Variants in CDH4 observed in about 807,000 individuals in gnomAD.
The protein encoded by CDH4 is cadherin 4, also known as cadherin-4.
CDH4 carries 33 observed loss-of-function variants against 86.0 expected under a neutral mutation model. The ratio of observed to expected loss-of-function variants is 0.38; its 90% confidence interval spans 0.29 to 0.51. CDH4 has a LOEUF of 0.51. Among genes scored for constraint, CDH4 ranks in the 20% least tolerant of loss-of-function variants. The probability of loss-of-function intolerance (pLI) is 0.86; values close to 1 mark genes in which losing one functional copy is unlikely to be tolerated. For synonymous variants in CDH4, 555 were observed against 549.4 expected, an observed-to-expected ratio of 1.01 and a Z score of -0.14; for missense variants, 1,114 against 1,307.4, an observed-to-expected ratio of 0.85 and a Z score of 2.28.
chr20:61,886,475 C>T (rs1248470782), intron 7 of CDH4, among the ~76,000 whole-genome samples: 4 of 152,230 alleles, frequency 2.6e-5, no homozygotes, highest in Non-Finnish European at 4.4e-5. Context: ...AATGAATTCT[C>T]TGCACCTGGC....
intron 2 of CDH4, among the ~76,000 whole-genome samples, chr20:61,430,557 C>T (rs940277501): frequency 6.6e-6 from 1 of 152,158 alleles, no homozygotes; most frequent in African/African-American, 2.4e-5. Context: ...ACACCATCGA[C>T]AGAACGGTGA....
chr20:61,405,325 G>C (rs2085075991), intron 2 of CDH4, among the ~76,000 whole-genome samples: 1 of 151,724 alleles, frequency 6.6e-6, no homozygotes, highest in South Asian at 2.1e-4. Context: ...GATCACGCTA[G>C]TAGACATATA....
At chr20:61,733,946 T>C (rs1022823230) in intron 2 of CDH4, among the ~76,000 whole-genome samples, 10 of 152,206 alleles carry the variant, frequency 6.6e-5, no homozygotes, top group African/African-American at 2.4e-4. Flanking sequence ...GCTGCGCCCG[T>C]AAATGTCAGC....
chr20:61,650,865 G>T (rs4925266), intron 2 of CDH4, among the ~76,000 whole-genome samples: 119,524 of 152,220 alleles, frequency 0.79, 46,988 homozygotes, highest in Middle Eastern at 0.82. Context: ...TTAGCAGGGG[G>T]TTTAATCAAC....
chr20:61,873,623 A>C lies in CDH4; in HGVS notation c.878-105A>C, dbSNP rs184794127. ...GAGAGGAAGGGGGTTCCGCTACGCCAGACTCACGGAGAGCTCTGTGGTCGG... is the reference window on the plus strand; with the variant it reads ...GAGAGGAAGGGGGTTCCGCTACGCCCGACTCACGGAGAGCTCTGTGGTCGG... On this transcript the variant is annotated intron_variant, in intron 6 of 15. Coordinates refer to ENST00000614565, the MANE Select transcript of CDH4 (RefSeq NM_001794.5). 36 of 1,258,746 alleles carry C rather than the reference A, an allele frequency of 2.9e-5. No homozygotes were observed. In the East Asian group the frequency reaches 4.2e-4, roughly 15 times the overall value. 78.0% of individuals were successfully genotyped at this position (1,258,746 alleles called of 1,614,324 possible).
intron 13 of CDH4, among the ~76,000 whole-genome samples, chr20:61,931,636 G>A (rs1475295880): frequency 6.6e-6 from 1 of 152,226 alleles, no homozygotes; most frequent in Non-Finnish European, 1.5e-5. Flanking sequence ...GCAGTGGAGT[G>A]GTTTGTGCAG....
chr20:61,534,560 G>A (rs546510837), intron 2 of CDH4, among the ~76,000 whole-genome samples: 13 of 152,268 alleles, frequency 8.5e-5, no homozygotes, highest in South Asian at 6.2e-4. Flanking sequence ...GCACGGGACC[G>A]GGCCGGAGGC....
intron 9 of CDH4, among the ~76,000 whole-genome samples, chr20:61,915,393 C>T (rs1389400573): frequency 2.6e-5 from 4 of 152,208 alleles, no homozygotes; most frequent in African/African-American, 9.7e-5. Context: ...AGCCTGAAAC[C>T]TTCCTAGTGC....
Position 61,743,677 on chromosome 20 carries a change from C to A in CDH4, c.284C>A (p.Ser95Tyr). The A allele has an allele frequency of 6.2e-7, 1 of 1,605,644 alleles. No homozygotes were observed. Among genetic ancestry groups the A allele is most frequent in the Middle Eastern group, 1.7e-4 (1 of 6,058 alleles). The change falls in exon 3 of 16, where the codon TCC (serine) becomes TAC (tyrosine). Residue 95 changes from serine (S) to tyrosine (Y), a missense_variant. Ser to Tyr is a moderately radical substitution (Grantham distance 144). Around this residue, in one of 3 missense-constraint regions of CDH4, gnomAD observed 221 missense variants for 209.5 expected, o/e 1.05. Transcript: ENST00000614565. ...GCCACCCGGGAGCTGCAGGTCCCCT[C>A]CGAGCAGGTGGCGTTCACGGTGACT... ...VFATRELQVP[S>Y]EQVAFTVTAW...
Position 61,305,433 on chromosome 20 carries a change from C to T in CDH4, c.169+50496C>T, listed in dbSNP as rs182907739. On this transcript the variant is annotated intron_variant, in intron 2 of 15. Transcript: ENST00000614565. ...GGGGGAGGTGGGGCCTGAGAGTCTGCATTTCCAACACTTTTTCTCTATGGA... is the reference window on the plus strand; with the variant it reads ...GGGGGAGGTGGGGCCTGAGAGTCTGTATTTCCAACACTTTTTCTCTATGGA... Among the ~76,000 whole-genome samples, 52 of 152,326 alleles carry T rather than the reference C, an allele frequency of 3.4e-4. 1 individual carries two copies. Among genetic ancestry groups the T allele is most frequent in the Admixed American group, 3.1e-3 (48 of 15,306 alleles).
intron 2 of CDH4, among the ~76,000 whole-genome samples, chr20:61,488,239 AC>A (rs566590195): frequency 1.5e-4 from 23 of 152,286 alleles, no homozygotes; most frequent in Non-Finnish European, 2.6e-4. Flanking sequence ...TATTGTTCTG[AC>A]CTCCAAAGAG....
At chr20:61,337,300 GATA>G (rs1568803690) in intron 2 of CDH4, among the ~76,000 whole-genome samples, 3 of 51,592 alleles carry the variant, frequency 5.8e-5, no homozygotes, top group African/African-American at 2.2e-4. Context: ...TAATGGTGAT[GATA>G]ATGATGGTGA....
intron 4 of CDH4, among the ~76,000 whole-genome samples, chr20:61,824,201 AT>A (rs965713373): frequency 6.6e-6 from 1 of 152,066 alleles, no homozygotes; most frequent in Non-Finnish European, 1.5e-5. Flanking sequence ...CTCAGAAGCC[AT>A]TCCCATTGTC....
At chr20:61,585,521 T>G (rs1335260136) in intron 2 of CDH4, among the ~76,000 whole-genome samples, 3 of 151,998 alleles carry the variant, frequency 2.0e-5, no homozygotes, top group South Asian at 2.1e-4. Context: ...GAGGAAGCTT[T>G]ATCTTTCTGA....
intron 2 of CDH4, among the ~76,000 whole-genome samples, chr20:61,506,630 T>C (rs2145607402): frequency 6.6e-6 from 1 of 152,298 alleles, no homozygotes; most frequent in African/African-American, 2.4e-5. Context: ...TAGGTGCAGA[T>C]CATGTTGCTG....
At chr20:61,725,323 C>A (rs1279286815) in intron 2 of CDH4, among the ~76,000 whole-genome samples, 1 of 152,170 alleles carries the variant, frequency 6.6e-6, no homozygotes, top group East Asian at 1.9e-4. Context: ...GTGCACACTG[C>A]ACAGTACACA....
rs1425376694 is a variant in CDH4, at chr20:61,516,697, G to A, written c.170-226866G>A. 6.6e-6 allele frequency among the ~76,000 whole-genome samples: 1 copy of A among 152,210 alleles called. No individual in the cohort carries two copies. ...GTAATAGCACAGGGCTGCAGCACAGGCTCAGGGTGCAATGTCAAACCGCGG... is the reference window on the plus strand; with the variant it reads ...GTAATAGCACAGGGCTGCAGCACAGACTCAGGGTGCAATGTCAAACCGCGG... On this transcript the variant is annotated intron_variant, in intron 2 of 15. Transcript: ENST00000614565. This position sits in a 1 kb window ranked among gnomAD's most constrained non-coding sequence, Gnocchi z 4.0.
At position 61,929,787 on chromosome 20, in the gene CDH4, TG is replaced by T; in HGVS notation, c.2186del (p.Gly729ValfsTer18). ...CCACCATTGGCGCAGTGGCAGCGGC[TG>T]GTCTGGGCACCGGTGCCATCGTGGC... Reference protein sequence around the residue: ...CTTIGAVAAAGLGTGAIVAIL... With the variant: ...CTTIGAVAAAXLGTGAIVAIL... On this transcript the variant is annotated frameshift_variant, in exon 13 of 16. Transcript: ENST00000614565. LOFTEE classifies it high-confidence loss of function. 1 of 1,614,072 alleles carries T rather than the reference TG, an allele frequency of 6.2e-7. No individual in the cohort carries two copies. Among genetic ancestry groups the T allele is most frequent in the Non-Finnish European group, 8.5e-7 (1 of 1,180,034 alleles).
At chr20:61,936,269 G>T (rs1459885394) in intron 15 of CDH4, among the ~76,000 whole-genome samples, 1 of 69,268 alleles carries the variant, frequency 1.4e-5, no homozygotes, top group Non-Finnish European at 2.8e-5. Context: ...ACCACCCCTT[G>T]CCCTCTCCCA....
Sources: allele counts gnomAD v4.1 joint callset (sites outside exome capture counted in the v4.1 genomes callset), GRCh38; gene constraint gnomAD v4.1.1; regional missense constraint gnomAD v4.1.1; non-coding constraint Gnocchi (gnomAD v3.1); transcripts MANE v1.5; gene names NCBI Gene and HGNC (gene_info 2026-07-23, HGNC 2026-07-21).